Variants in CLDN10 observed in about 807,000 individuals in gnomAD.
CLDN10 encodes the protein claudin 10.
A neutral mutation model predicts 22.9 loss-of-function variants in CLDN10; 15 were observed. The observed-to-expected ratio is 0.65, with a 90% CI of 0.44 to 1.01. The LOEUF is 1.01. CLDN10 is among the 50% of genes least tolerant of loss of function. The probability of loss-of-function intolerance (pLI) is 0.00; values close to 1 mark genes in which losing one functional copy is unlikely to be tolerated. For missense variants in CLDN10, 247 were observed against 287.8 expected (o/e 0.86, Z 1.03); for synonymous variants, 114 against 111.4 (o/e 1.02, Z -0.15).
chr13:95,526,928 C>T (rs1168920161), intron 1 of CLDN10, among the ~76,000 whole-genome samples: 1 of 152,076 alleles, frequency 6.6e-6, no homozygotes, highest in Non-Finnish European at 1.5e-5. Flanking sequence ...AACAGGTGTC[C>T]CCTAGTTCAA....
chr13:95,551,873 G>C (rs1397310778), upstream of CLDN10, among the ~76,000 whole-genome samples: 1 of 151,902 alleles, frequency 6.6e-6, no homozygotes, highest in Non-Finnish European at 1.5e-5. Context: ...AGGCGTGAGA[G>C]ATGGAGGTGG....
At chr13:95,435,276 G>A (rs2042257239) in intron 1 of CLDN10, among the ~76,000 whole-genome samples, 1 of 151,964 alleles carries the variant, frequency 6.6e-6, no homozygotes, top group South Asian at 2.1e-4. Context: ...TTTGTTTCTT[G>A]GTAAAATATA....
At chr13:95,438,838 G>C (rs1383158839) in intron 1 of CLDN10, among the ~76,000 whole-genome samples, 1 of 152,108 alleles carries the variant, frequency 6.6e-6, no homozygotes, top group African/African-American at 2.4e-5. Flanking sequence ...AATTAGCCAG[G>C]CGTGGTGGCG....
chr13:95,534,169 T>C (rs969556386), intron 1 of CLDN10, among the ~76,000 whole-genome samples: 2 of 152,234 alleles, frequency 1.3e-5, no homozygotes, highest in African/African-American at 2.4e-5. Context: ...TTTTTAATTC[T>C]CATTATATCC....
At position 95,434,021 on chromosome 13, in the gene CLDN10, C is replaced by G. The variant is rs201757379; in HGVS notation, c.188C>G (p.Pro63Arg). The G allele has an allele frequency of 9.3e-6, 15 of 1,613,944 alleles. No individual in the cohort carries two copies. The East Asian group carries it at 3.1e-4, about 34-fold the overall frequency. The change falls in exon 1 of 5, where the codon CCG (proline) becomes CGG (arginine). Residue 63 changes from proline (P) to arginine (R), a missense_variant. Pro to Arg is a moderately radical substitution (Grantham distance 103). Transcript: ENST00000376873. ...GCGTTGGGTTCTTTCCATTGCCGAC[C>G]GCATTTTACTATCTTCAAAGTAGCA...
At chr13:95,478,683 G>C (rs1594547690) in intron 1 of CLDN10, among the ~76,000 whole-genome samples, 1 of 152,202 alleles carries the variant, frequency 6.6e-6, no homozygotes, top group East Asian at 1.9e-4. Context: ...CCGGATGCTT[G>C]TATTCTGCTT....
At chr13:95,463,310 A>T (rs1594535820) in intron 1 of CLDN10, among the ~76,000 whole-genome samples, 1 of 102,348 alleles carries the variant, frequency 9.8e-6, no homozygotes, top group Non-Finnish European at 2.0e-5. Context: ...ATATATATAT[A>T]TATATATATA....
intron 1 of CLDN10, among the ~76,000 whole-genome samples, chr13:95,444,781 G>C (rs1479703576): frequency 1.3e-5 from 2 of 152,106 alleles, no homozygotes; most frequent in East Asian, 3.9e-4. Flanking sequence ...ATTGTTTTTT[G>C]TTTGTTTTGT....
intron 1 of CLDN10, among the ~76,000 whole-genome samples, chr13:95,491,774 C>T (rs900743146): frequency 2.0e-5 from 3 of 152,104 alleles, no homozygotes; most frequent in Non-Finnish European, 4.4e-5. Context: ...GATTGTCTGG[C>T]TCCTTCTCAC....
intron 1 of CLDN10, among the ~76,000 whole-genome samples, chr13:95,445,150 G>T (rs2139070724): frequency 6.6e-6 from 1 of 152,308 alleles, no homozygotes; most frequent in Non-Finnish European, 1.5e-5. Flanking sequence ...GCATGAATTT[G>T]CATACAGCAT....
At chr13:95,511,902 G>T (rs2043104747) in intron 1 of CLDN10, among the ~76,000 whole-genome samples, 2 of 136,942 alleles carry the variant, frequency 1.5e-5, no homozygotes, top group Admixed American at 1.5e-4. Flanking sequence ...ACAATGTGCA[G>T]GTTAGTTACA....
intron 1 of CLDN10, among the ~76,000 whole-genome samples, chr13:95,456,104 A>T (rs1057308997): frequency 6.6e-6 from 1 of 152,248 alleles, no homozygotes; most frequent in Non-Finnish European, 1.5e-5. Context: ...GGTACAAAAA[A>T]GCTGAAAGAG....
intron 1 of CLDN10, among the ~76,000 whole-genome samples, chr13:95,525,488 T>C (rs748328840): frequency 5.3e-5 from 8 of 152,076 alleles, no homozygotes; most frequent in Non-Finnish European, 1.2e-4. Context: ...TAAATCTTCA[T>C]TGTTTTTTCT....
intron 1 of CLDN10, among the ~76,000 whole-genome samples, chr13:95,458,313 G>A (rs1413028508): frequency 1.3e-5 from 2 of 152,152 alleles, no homozygotes; most frequent in Admixed American, 1.3e-4. Context: ...GAGACAAAGT[G>A]TTGCTCTGTG....
chr13:95,453,993 C>T (rs1177813679), intron 1 of CLDN10, among the ~76,000 whole-genome samples: 1 of 152,162 alleles, frequency 6.6e-6, no homozygotes, highest in Non-Finnish European at 1.5e-5. Flanking sequence ...TTCTCTCTTT[C>T]TTACCCTCCA....
intron 1 of CLDN10, among the ~76,000 whole-genome samples, chr13:95,439,395 A>C (rs1334303091): frequency 6.7e-6 from 1 of 149,526 alleles, no homozygotes; most frequent in Non-Finnish European, 1.5e-5. Context: ...CCCAGGTTGG[A>C]GTGCAGTAGT....
chr13:95,549,172 A>T (rs2043539954), upstream of CLDN10, among the ~76,000 whole-genome samples: 2 of 152,250 alleles, frequency 1.3e-5, no homozygotes, highest in South Asian at 4.1e-4. Flanking sequence ...ATTGGAAAAG[A>T]TCTATAGCTT....
chr13:95,530,589 T>A (rs1165679212), intron 1 of CLDN10, among the ~76,000 whole-genome samples: 1 of 152,172 alleles, frequency 6.6e-6, no homozygotes, highest in Non-Finnish European at 1.5e-5. Context: ...CCAAATTTCA[T>A]AAAGGAGAAT....
upstream of CLDN10, among the ~76,000 whole-genome samples, chr13:95,549,154 G>A (rs1398334077): frequency 6.6e-6 from 1 of 152,178 alleles, no homozygotes; most frequent in Non-Finnish European, 1.5e-5. Context: ...TCAGTTAGTA[G>A]TTTTCATATT....
Sources: gnomAD v4.1 joint callset for allele counts (sites outside exome capture counted in the v4.1 genomes callset) on GRCh38, gnomAD v4.1.1 for gene constraint, MANE v1.5 for transcripts, NCBI Gene and HGNC (gene_info 2026-07-23, HGNC 2026-07-21) for gene names.